NCOA2: variants seen among roughly 807,000 people sequenced by gnomAD.
NCOA2 encodes nuclear receptor coactivator 2, also known as class E basic helix-loop-helix protein 75.
NCOA2 carries 21 observed loss-of-function variants against 145.1 expected under a neutral mutation model. That is an observed-to-expected ratio of 0.14 (90% CI 0.10 to 0.21). The LOEUF (loss-of-function observed/expected upper bound fraction) is 0.21. Ranked by LOEUF, NCOA2 falls within the 10% of genes least tolerant of loss-of-function variation. NCOA2 has a pLI of 1.00. For missense variants in NCOA2, 1,472 were observed against 1,837.6 expected (o/e 0.80, Z 3.64); for synonymous variants, 619 against 637.5 (o/e 0.97, Z 0.44).
chr8:70,384,072 C>T (rs1812457168), intron 1 of NCOA2, among the ~76,000 whole-genome samples: 1 of 152,054 alleles, frequency 6.6e-6, no homozygotes, highest in South Asian at 2.1e-4. Flanking sequence ...ATCTTTGAAA[C>T]AGGCCAAATC....
At chr8:70,383,212 T>C (rs1290005915) in intron 1 of NCOA2, among the ~76,000 whole-genome samples, 2 of 152,112 alleles carry the variant, frequency 1.3e-5, no homozygotes, top group Admixed American at 1.3e-4. Context: ...AGATAGTGGA[T>C]GGGGCTGTGT....
intron 2 of NCOA2, among the ~76,000 whole-genome samples, chr8:70,225,766 TATGA>T (rs1820577285): frequency 6.6e-6 from 1 of 152,164 alleles, no homozygotes; most frequent in Non-Finnish European, 1.5e-5. Context: ...CCATTAATCA[TATGA>T]AAAGCGGTAC....
intron 2 of NCOA2, among the ~76,000 whole-genome samples, chr8:70,296,420 A>G (rs902413693): frequency 3.9e-5 from 6 of 152,232 alleles, no homozygotes; most frequent in African/African-American, 1.4e-4. Context: ...ATTTTTACAT[A>G]TAAAAATAAA....
chr8:70,302,048 C>CA (rs1795877728), intron 1 of NCOA2, among the ~76,000 whole-genome samples: 1 of 151,796 alleles, frequency 6.6e-6, no homozygotes, highest in Admixed American at 6.6e-5. Flanking sequence ...CTCTCAAACA[C>CA]AAAAAACACC....
At chr8:70,453,124 C>G in the NCOA2 span, among the ~76,000 whole-genome samples, 1 of 152,262 alleles carries the variant, frequency 6.6e-6, no homozygotes, top group South Asian at 2.1e-4. Context: ...GATAGAGGAG[C>G]CTATTCGCCT....
the NCOA2 span, among the ~76,000 whole-genome samples, chr8:70,450,573 C>CTTTTTTTTTTTTTTTTTTTTTTTTTTTT: frequency 1.1e-5 from 1 of 94,652 alleles, no homozygotes; most frequent in Non-Finnish European, 1.9e-5. Flanking sequence ...TCTTTTTATT[C>CTTTTTTTTTTTTTTTTTTTTTTTTTTTT]TTTTTTTTTT....
At chr8:70,131,733 A>C (rs1294222844) in intron 16 of NCOA2, 104 bp downstream of exon 16, 2 of 1,238,048 alleles carry the variant, frequency 1.6e-6, no homozygotes, top group Non-Finnish European at 2.2e-6. Flanking sequence ...AAACAACAAC[A>C]ATATATTCTA....
At chr8:70,366,738 G>A (rs1229179558) in intron 1 of NCOA2, among the ~76,000 whole-genome samples, 1 of 142,340 alleles carries the variant, frequency 7.0e-6, no homozygotes, top group Non-Finnish European at 1.5e-5. Context: ...GCAGCCATTG[G>A]CTTTAAAAAA....
At chr8:70,148,125 T>C in intron 12 of NCOA2, 148 bp downstream of exon 12, 1 of 729,318 alleles carries the variant, frequency 1.4e-6, no homozygotes, top group Non-Finnish European at 2.3e-6. Context: ...TTGAATACTG[T>C]TTCAAAAGAC....
At chr8:70,381,988 G>A (rs1349021393) in intron 1 of NCOA2, among the ~76,000 whole-genome samples, 1 of 152,128 alleles carries the variant, frequency 6.6e-6, no homozygotes, top group Non-Finnish European at 1.5e-5. Flanking sequence ...CCAACTCAGG[G>A]ATAGAGGAGC....
At chr8:70,348,060 C>A (rs1288378786) in intron 1 of NCOA2, among the ~76,000 whole-genome samples, 1 of 152,104 alleles carries the variant, frequency 6.6e-6, no homozygotes, top group East Asian at 1.9e-4. Context: ...TAGTTCCTAC[C>A]CCCCAGGGGC....
chr8:70,174,499 C>T (rs1157340281), intron 5 of NCOA2, among the ~76,000 whole-genome samples: 1 of 152,112 alleles, frequency 6.6e-6, no homozygotes. Flanking sequence ...CAAATAAATG[C>T]TCAACTGGCA....
intron 1 of NCOA2, among the ~76,000 whole-genome samples, chr8:70,383,669 C>T (rs972890277): frequency 3.9e-5 from 6 of 152,064 alleles, no homozygotes; most frequent in African/African-American, 1.4e-4. Context: ...CCACACCTGG[C>T]TAATTTTGTA....
intron 1 of NCOA2, among the ~76,000 whole-genome samples, chr8:70,319,539 A>AAAATAAATAAATAAAT (rs71558597): frequency 0.048 from 7,220 of 149,084 alleles, 272 homozygotes; most frequent in African/African-American, 0.092. Flanking sequence ...CCCTGTCTCA[A>AAAATAAATAAATAAAT]AAATAAATAA....
intron 2 of NCOA2, among the ~76,000 whole-genome samples, chr8:70,249,132 G>A (rs573786209): frequency 6.6e-6 from 1 of 152,136 alleles, no homozygotes; most frequent in East Asian, 1.9e-4. Context: ...GATAACCAGG[G>A]TGGGCCTGAG....
rs1254063590 is a variant in NCOA2, at chr8:70,113,025, T to TA, written c.*606dup. On this transcript the variant is annotated 3_prime_UTR_variant, in exon 23 of 23. Coordinates refer to ENST00000452400, the MANE Select transcript of NCOA2 (RefSeq NM_006540.4). ...TGGAGACTCTTTCCAACATGGTCTT[T>TA]AGAGCTTTCTAGAGATACGACTGTG... The TA allele has an allele frequency of 5.0e-6, 1 of 200,006 alleles. No homozygotes were observed. The highest frequency in any genetic ancestry group is 1.0e-5 in the Non-Finnish European group (1 of 96,768). The allele number at this position is 200,006 out of a possible 1,614,324, so 12.4% of individuals were successfully genotyped here.
chr8:70,383,169 A>G (rs745983892), intron 1 of NCOA2, among the ~76,000 whole-genome samples: 16 of 152,192 alleles, frequency 1.1e-4, no homozygotes, highest in Non-Finnish European at 2.1e-4. Context: ...TCCTATCAAG[A>G]CACCAAGAAG....
intron 1 of NCOA2, among the ~76,000 whole-genome samples, chr8:70,398,835 C>T (rs776989070): frequency 1.3e-4 from 20 of 152,214 alleles, no homozygotes; most frequent in Non-Finnish European, 4.4e-5. Flanking sequence ...ATTATGTCAT[C>T]ACAGCCATGG....
chr8:70,290,258 G>A (rs916717164), intron 2 of NCOA2, among the ~76,000 whole-genome samples: 3 of 146,372 alleles, frequency 2.0e-5, no homozygotes. Flanking sequence ...GCGATTTCTC[G>A]GCTCACTACC....
Sources: gnomAD v4.1 joint callset for allele counts (sites outside exome capture counted in the v4.1 genomes callset) on GRCh38, gnomAD v4.1.1 for gene constraint, MANE v1.5 for transcripts, NCBI Gene and HGNC (gene_info 2026-07-23, HGNC 2026-07-21) for gene names.